The following PLD5 variants were observed in gnomAD, a reference collection of about 807,000 sequenced individuals.
PLD5 encodes inactive phospholipase D5.
Under a neutral mutation model 61.1 loss-of-function variants are expected in PLD5, and 36 were observed. The observed-to-expected ratio is 0.59, with a 90% confidence interval of 0.45 to 0.78. The LOEUF (loss-of-function observed/expected upper bound fraction) is 0.78. Among genes scored for constraint, PLD5 ranks in the 30% least tolerant of loss-of-function variants. The pLI, the probability that PLD5 is intolerant of heterozygous loss-of-function variation, is 0.00. For synonymous variants in PLD5, 243 were observed against 242.8 expected (o/e 1.00, Z -0.01); for missense variants, 515 against 644.4 (o/e 0.80, Z 2.17).
intron 1 of PLD5, among the ~76,000 whole-genome samples, chr1:242,399,895 G>A (rs1415632584): frequency 2.0e-5 from 3 of 152,136 alleles, no homozygotes; most frequent in African/African-American, 4.8e-5. Flanking sequence ...TAGGCCTGGC[G>A]TGGTGGCTCA....
intron 1 of PLD5, among the ~76,000 whole-genome samples, chr1:242,480,307 C>T (rs1004355620): frequency 1.3e-5 from 2 of 151,930 alleles, no homozygotes; most frequent in African/African-American, 4.8e-5. Context: ...TGGATAGCAA[C>T]ATGAAGAAAA....
At chr1:242,247,133 GC>G (rs796687450) in intron 4 of PLD5, among the ~76,000 whole-genome samples, 99 of 152,068 alleles carry the variant, frequency 6.5e-4, no homozygotes, top group African/African-American at 2.2e-3. Context: ...ACAGGCGCCC[GC>G]CACCATGCCC....
chr1:242,168,679 A>G (rs1356643123), intron 5 of PLD5, among the ~76,000 whole-genome samples: 3 of 152,148 alleles, frequency 2.0e-5, no homozygotes, highest in Non-Finnish European at 4.4e-5. Context: ...CATTAAAACA[A>G]CAATCCGCTG....
intron 1 of PLD5, among the ~76,000 whole-genome samples, chr1:242,514,349 C>G (rs1486172970): frequency 2.0e-5 from 3 of 152,160 alleles, no homozygotes; most frequent in African/African-American, 7.2e-5. Context: ...CTTACCAGTA[C>G]GAACCATCAC....
At chr1:242,178,358 A>T (rs1304866934) in intron 5 of PLD5, 1 of 152,204 alleles carries the variant, frequency 6.6e-6, no homozygotes, top group Non-Finnish European at 1.5e-5. Context: ...GTCAGTTATC[A>T]CAACTCAGTA....
At chr1:242,446,020 A>C (rs1666520368) in intron 1 of PLD5, among the ~76,000 whole-genome samples, 2 of 151,800 alleles carry the variant, frequency 1.3e-5, no homozygotes, top group African/African-American at 4.8e-5. Flanking sequence ...AAATATATTA[A>C]TGTAATCTTC....
intron 4 of PLD5, among the ~76,000 whole-genome samples, chr1:242,260,357 A>AT (rs1293343627): frequency 6.6e-6 from 1 of 151,826 alleles, no homozygotes; most frequent in Non-Finnish European, 1.5e-5. Context: ...AAAAAAAAAA[A>AT]AAAAGAATTG....
intron 1 of PLD5, among the ~76,000 whole-genome samples, chr1:242,349,364 G>T (rs61848688): frequency 6.6e-6 from 1 of 152,084 alleles, no homozygotes; most frequent in African/African-American, 2.4e-5. Context: ...AAGGGAGGAG[G>T]GCACAAATTA....
intron 1 of PLD5, among the ~76,000 whole-genome samples, chr1:242,506,810 G>C (rs981535703): frequency 6.6e-6 from 1 of 152,210 alleles, no homozygotes; most frequent in Non-Finnish European, 1.5e-5. Flanking sequence ...GTAAAGTGGC[G>C]TAGTGCACTG....
intron 5 of PLD5, among the ~76,000 whole-genome samples, chr1:242,176,950 A>C (rs929072641): frequency 1.3e-5 from 2 of 152,240 alleles, no homozygotes; most frequent in Admixed American, 1.3e-4. Flanking sequence ...GATGTGGACA[A>C]ATAGGAAAGC....
intron 1 of PLD5, among the ~76,000 whole-genome samples, chr1:242,481,878 A>G (rs1667790235): frequency 6.6e-6 from 1 of 152,216 alleles, no homozygotes; most frequent in Admixed American, 6.5e-5. Flanking sequence ...AGGAACGATC[A>G]GGCAGCAACA....
chr1:242,300,154 A>C (rs1210825016), intron 2 of PLD5, among the ~76,000 whole-genome samples: 2 of 152,196 alleles, frequency 1.3e-5, no homozygotes, highest in Non-Finnish European at 2.9e-5. Flanking sequence ...CCAAGAAGAT[A>C]TCAGCCAGGC....
intron 1 of PLD5, among the ~76,000 whole-genome samples, chr1:242,475,601 C>T (rs1205170074): frequency 2.6e-5 from 4 of 152,086 alleles, no homozygotes; most frequent in Non-Finnish European, 5.9e-5. Flanking sequence ...AACAGAACAG[C>T]GAGGAGACTC....
intron 4 of PLD5, among the ~76,000 whole-genome samples, chr1:242,250,357 C>T (rs189698592): frequency 1.1e-4 from 17 of 152,144 alleles, no homozygotes; most frequent in Non-Finnish European, 2.4e-4. Flanking sequence ...ACACGCATTA[C>T]AGTGCAGGGA....
intron 1 of PLD5, among the ~76,000 whole-genome samples, chr1:242,359,382 C>T (rs373261905): frequency 1.3e-5 from 2 of 152,088 alleles, no homozygotes; most frequent in South Asian, 2.1e-4. Context: ...ATGACATGGT[C>T]AAAGCAAGAC....
intron 1 of PLD5, among the ~76,000 whole-genome samples, chr1:242,382,073 CA>C (rs1662312330): frequency 6.8e-6 from 1 of 148,136 alleles, no homozygotes; most frequent in East Asian, 2.0e-4. Flanking sequence ...AAAGGAGAAA[CA>C]GTGGGTGATT....
At chr1:242,136,156 T>C (rs1663709954) in intron 5 of PLD5, among the ~76,000 whole-genome samples, 1 of 152,222 alleles carries the variant, frequency 6.6e-6, no homozygotes, top group Non-Finnish European at 1.5e-5. Context: ...GGCACAACTT[T>C]GACCACACAT....
intron 4 of PLD5, among the ~76,000 whole-genome samples, chr1:242,259,377 C>T (rs984671030): frequency 6.6e-6 from 1 of 151,858 alleles, no homozygotes; most frequent in Non-Finnish European, 1.5e-5. Context: ...TGTAAATTGA[C>T]AAGGGAAACA....
chr1:242,176,573 A>T (rs1183540789), intron 5 of PLD5, among the ~76,000 whole-genome samples: 1 of 152,230 alleles, frequency 6.6e-6, no homozygotes, highest in Non-Finnish European at 1.5e-5. Flanking sequence ...AACAAAGCCA[A>T]ATTTGACAAA....
Sources: gnomAD v4.1 joint callset for allele counts (sites outside exome capture counted in the v4.1 genomes callset) on GRCh38, gnomAD v4.1.1 for gene constraint, MANE v1.5 for transcripts, NCBI Gene and HGNC (gene_info 2026-07-23, HGNC 2026-07-21) for gene names.